The following SIPA1L1 variants were observed in gnomAD, a reference collection of about 807,000 sequenced individuals.
SIPA1L1 encodes the protein signal-induced proliferation-associated 1-like protein 1.
In SIPA1L1, 26 loss-of-function variants were observed where a neutral mutation model predicts 162.7. The observed-to-expected ratio is 0.16, with a 90% CI of 0.12 to 0.22. The LOEUF (loss-of-function observed/expected upper bound fraction) is 0.22, where lower values mean the gene tolerates loss of function less well. Ranked by LOEUF, SIPA1L1 falls within the 10% of genes least tolerant of loss-of-function variation. The pLI is 1.00. For synonymous variants in SIPA1L1, 829 were observed against 837.4 expected, an observed-to-expected ratio of 0.99 and a Z score of 0.17; for missense variants, 1,874 against 2,241.0, an observed-to-expected ratio of 0.84 and a Z score of 3.31.
chr14:71,340,607 T>C (rs983866497), intron 2 of SIPA1L1, among the ~76,000 whole-genome samples: 16 of 152,210 alleles, frequency 1.1e-4, no homozygotes, highest in African/African-American at 3.9e-4. Context: ...TTTCTGATGC[T>C]CTCCTGTTTA....
Position 71,700,043 on chromosome 14 carries a change from C to T in SIPA1L1, c.3521+916C>T, listed in dbSNP as rs532087552. 2.6e-3 allele frequency among the ~76,000 whole-genome samples: 394 copies of T among 152,278 alleles called. 1 individual carries two copies. The highest frequency in any genetic ancestry group is 8.8e-3 in the African/African-American group (367 of 41,560). Reference sequence around the variant, plus strand: ...CTTAGCTCTTCAGGACTGGGTATCCCTTATACTCTGGCATACAATAAATTG... The same window carrying T: ...CTTAGCTCTTCAGGACTGGGTATCCTTTATACTCTGGCATACAATAAATTG... On this transcript the variant is annotated intron_variant, in intron 14 of 23. Transcript: ENST00000381232.
At position 71,524,634 on chromosome 14, in the gene SIPA1L1, A is replaced by G. The variant is rs535472236; in HGVS notation, c.-361-4678A>G. On this transcript the variant is annotated intron_variant, in intron 3 of 23. Coordinates refer to ENST00000381232, the MANE Select transcript of SIPA1L1 (RefSeq NM_001386936.1). Reference sequence around the variant, plus strand: ...TATTTATTTGTTTATTTTTAAATAGAGATGAGGTCTCACTATGTTGCCAAG... The same window carrying G: ...TATTTATTTGTTTATTTTTAAATAGGGATGAGGTCTCACTATGTTGCCAAG... Among the ~76,000 whole-genome samples the G allele has an allele frequency of 9.8e-5, 15 of 152,294 alleles. No homozygotes were observed. The East Asian group carries it at 2.7e-3, about 27-fold the overall frequency.
At chr14:71,599,285 G>A (rs1349172723) in intron 5 of SIPA1L1, among the ~76,000 whole-genome samples, 2 of 151,204 alleles carry the variant, frequency 1.3e-5, no homozygotes, top group Non-Finnish European at 2.9e-5. Context: ...CGAGTAGCTG[G>A]GATTACAGGC....
At chr14:71,634,957 T>C (rs558091976) in intron 7 of SIPA1L1, among the ~76,000 whole-genome samples, 207 of 142,388 alleles carry the variant, frequency 1.5e-3, no homozygotes, top group Non-Finnish European at 2.6e-3. Flanking sequence ...AATAGCTAAG[T>C]TATCTAAACA....
chr14:71,732,082 T>C (rs1457048867), intron 20 of SIPA1L1, among the ~76,000 whole-genome samples: 1 of 152,246 alleles, frequency 6.6e-6, no homozygotes, highest in East Asian at 1.9e-4. Context: ...TAAGTAGAAC[T>C]GAACATTTAA....
At position 71,635,171 on chromosome 14, in the gene SIPA1L1, C is replaced by T. The variant is rs570388410; in HGVS notation, c.1818+10935C>T. Among the ~76,000 whole-genome samples, 21 of 151,874 alleles carry T rather than the reference C, an allele frequency of 1.4e-4. No individual in the cohort carries two copies. The East Asian group carries it at 3.5e-3, about 25-fold the overall frequency. On this transcript the variant is annotated intron_variant, in intron 7 of 23. Coordinates refer to ENST00000381232, the MANE Select transcript of SIPA1L1 (RefSeq NM_001386936.1). Reference sequence around the variant, plus strand: ...GTGGGTGCCTATAATCCCAGGTACTCGGGAGGCTGAGGCAAGATAATCACT... The same window carrying T: ...GTGGGTGCCTATAATCCCAGGTACTTGGGAGGCTGAGGCAAGATAATCACT...
chr14:71,408,303 A>G (rs1325929080), intron 2 of SIPA1L1, among the ~76,000 whole-genome samples: 2 of 152,282 alleles, frequency 1.3e-5, no homozygotes, highest in Admixed American at 6.5e-5. Context: ...ATTCCTTTAT[A>G]TGAATTCTTC....
intron 17 of SIPA1L1, among the ~76,000 whole-genome samples, chr14:71,712,063 A>G (rs2082911951): frequency 6.6e-6 from 1 of 152,236 alleles, no homozygotes; most frequent in Non-Finnish European, 1.5e-5. Context: ...TAGAAAAACT[A>G]AAATCACAGC....
Position 71,437,651 on chromosome 14 carries a change from C to G in SIPA1L1, c.-464-75092C>G, listed in dbSNP as rs141384534. Among the ~76,000 whole-genome samples the G allele has an allele frequency of 1.4e-4, 21 of 152,236 alleles. No individual in the cohort carries two copies. In the East Asian group the frequency reaches 3.7e-3, roughly 27 times the overall value. On this transcript the variant is annotated intron_variant, in intron 2 of 23. Coordinates refer to ENST00000381232, the MANE Select transcript of SIPA1L1 (RefSeq NM_001386936.1). ...TGCTGGGATTCCAGGCGTAAGACAC[C>G]GCGCCTGGCTTATTGTACAAGCATT...
At chr14:71,699,826 C>T (rs1322598185) in intron 14 of SIPA1L1, among the ~76,000 whole-genome samples, 2 of 152,168 alleles carry the variant, frequency 1.3e-5, no homozygotes, top group African/African-American at 4.8e-5. Context: ...TGTCAGCCTG[C>T]CCTGGAAAGA....
At position 71,671,289 on chromosome 14, in the gene SIPA1L1, G is replaced by A. The variant is rs1307638782; in HGVS notation, c.2426G>A (p.Arg809His). The A allele has an allele frequency of 4.3e-6, 7 of 1,614,046 alleles. No individual in the cohort carries two copies. Among genetic ancestry groups the A allele is most frequent in the East Asian group, 2.2e-5 (1 of 44,896 alleles). The change falls in exon 11 of 24, where the codon CGC (arginine) becomes CAC (histidine). Residue 809 changes from arginine to histidine, a missense_variant. Transcript: ENST00000381232. ...EKFRAMATRT[R>H]QEYLKDLAEK... is the part of the protein sequence containing the mutation. ...TTTCGGGCCATGGCAACTCGGACCC[G>A]CCAGGAATACCTGAAAGATCTGGCA... is the stretch of plus-strand genomic sequence containing the variant.
chr14:71,378,804 A>G (rs1234212581), intron 2 of SIPA1L1, among the ~76,000 whole-genome samples: 1 of 151,954 alleles, frequency 6.6e-6, no homozygotes, highest in African/African-American at 2.4e-5. Context: ...ATGTGTGTAC[A>G]TTCATAATTG....
chr14:71,437,244 C>T (rs1041012489), intron 2 of SIPA1L1, among the ~76,000 whole-genome samples: 4 of 151,994 alleles, frequency 2.6e-5, no homozygotes, highest in Admixed American at 6.6e-5. Flanking sequence ...GTGGTAGGGG[C>T]GGCTCATGCC....
chr14:71,450,827 T>G (rs1043610664), intron 2 of SIPA1L1, among the ~76,000 whole-genome samples: 3 of 152,188 alleles, frequency 2.0e-5, no homozygotes, highest in African/African-American at 7.2e-5. Flanking sequence ...GAATAGCCAT[T>G]ATGCAAAACA....
At chr14:71,373,901 A>G (rs1249181189) in intron 2 of SIPA1L1, among the ~76,000 whole-genome samples, 1 of 152,066 alleles carries the variant, frequency 6.6e-6, no homozygotes, top group Non-Finnish European at 1.5e-5. Flanking sequence ...TGTCCCTACA[A>G]AAAGTTAAGA....
chr14:71,693,190 T>C (rs2149690086), intron 13 of SIPA1L1, among the ~76,000 whole-genome samples: 1 of 152,328 alleles, frequency 6.6e-6, no homozygotes, highest in East Asian at 1.9e-4. Flanking sequence ...TTCATTTGAA[T>C]GTTATATTGG....
At chr14:71,543,241 C>A (rs1412324313) in intron 4 of SIPA1L1, among the ~76,000 whole-genome samples, 1 of 152,056 alleles carries the variant, frequency 6.6e-6, no homozygotes, top group Non-Finnish European at 1.5e-5. Context: ...CTTAAAAGTT[C>A]TTTTTAAATT....
intron 17 of SIPA1L1, among the ~76,000 whole-genome samples, chr14:71,722,416 G>A (rs2083827542): frequency 6.6e-6 from 1 of 152,182 alleles, no homozygotes; most frequent in Non-Finnish European, 1.5e-5. Flanking sequence ...ACAAATGAAA[G>A]TGCCATCGAG....
chr14:71,544,064 TACAC>T (rs1226649399), intron 4 of SIPA1L1, among the ~76,000 whole-genome samples: 4 of 151,382 alleles, frequency 2.6e-5, no homozygotes, highest in Non-Finnish European at 4.4e-5. Flanking sequence ...TGTATGTATA[TACAC>T]ACGCACGCAC....
Sources: allele counts gnomAD v4.1 joint callset (sites outside exome capture counted in the v4.1 genomes callset), GRCh38; gene constraint gnomAD v4.1.1; transcripts MANE v1.5; gene names NCBI Gene and HGNC (gene_info 2026-07-23, HGNC 2026-07-21).